FA2H: variants seen among roughly 807,000 people sequenced by gnomAD.
The protein encoded by FA2H is fatty acid alpha-hydroxylase.
FA2H carries 22 observed loss-of-function variants against 44.9 expected under a neutral mutation model. That is an observed-to-expected ratio of 0.49 (90% CI 0.35 to 0.70). The LOEUF is 0.70. Ranked by LOEUF, FA2H falls within the 30% of genes least tolerant of loss-of-function variation. The pLI is 0.01. For missense variants in FA2H, 501 were observed against 504.9 expected (o/e 0.99, Z 0.07); for synonymous variants, 243 against 213.2 (o/e 1.14, Z -1.22).
chr16:74,750,009 T>A (rs977719913), intron 1 of FA2H, among the ~76,000 whole-genome samples: 1 of 152,204 alleles, frequency 6.6e-6, no homozygotes, highest in African/African-American at 2.4e-5. Context: ...CTTCTGGGTC[T>A]TTCCTTACAA....
intron 2 of FA2H, among the ~76,000 whole-genome samples, chr16:74,735,937 C>G (rs1962170865): frequency 6.6e-6 from 1 of 152,176 alleles, no homozygotes; most frequent in African/African-American, 2.4e-5. Flanking sequence ...GAGCTGCAAT[C>G]TTGCCACTGT....
At chr16:74,730,307 A>T (rs1037425050) in intron 2 of FA2H, among the ~76,000 whole-genome samples, 1 of 151,894 alleles carries the variant, frequency 6.6e-6, no homozygotes, top group African/African-American at 2.4e-5. Flanking sequence ...TTCCTGTGGC[A>T]GGGGTGGGGG....
At chr16:74,759,631 C>T (rs1426160711) in intron 1 of FA2H, among the ~76,000 whole-genome samples, 3 of 152,234 alleles carry the variant, frequency 2.0e-5, no homozygotes, top group African/African-American at 7.2e-5. Context: ...CCGGGAAGGT[C>T]ACCTCTGCTA....
At chr16:74,723,203 A>G (rs1961876983) in intron 4 of FA2H, among the ~76,000 whole-genome samples, 1 of 152,204 alleles carries the variant, frequency 6.6e-6, no homozygotes, top group Admixed American at 6.5e-5. Flanking sequence ...CTGTGTCCAC[A>G]GTTTCTCAAA....
At chr16:74,725,953 A>G (rs1961944195) in intron 4 of FA2H, 1 of 437,076 alleles carries the variant, frequency 2.3e-6, no homozygotes, top group Non-Finnish European at 4.3e-6. Flanking sequence ...GAGGCACTCA[A>G]TCTCTCTCTC....
At chr16:74,761,702 A>G (rs946401698) in intron 1 of FA2H, among the ~76,000 whole-genome samples, 66 of 152,328 alleles carry the variant, frequency 4.3e-4, no homozygotes, top group Non-Finnish European at 2.1e-4. Context: ...CCATCTAGGC[A>G]AAGTGTTCTC....
At chr16:74,722,631 G>T (rs901386172) in intron 4 of FA2H, among the ~76,000 whole-genome samples, 2 of 152,044 alleles carry the variant, frequency 1.3e-5, no homozygotes, top group Non-Finnish European at 2.9e-5. Flanking sequence ...CTGTCTTCTG[G>T]GCCGGATGCA....
rs957132991 is a variant in FA2H, at chr16:74,730,834, G to A, written c.364-3448C>T. ...CCTCGCCATACCCCTAACTAGGCGTGTATTCTAACTATTGTCATTTTGCAG... is the reference window on the plus strand; with the variant it reads ...CCTCGCCATACCCCTAACTAGGCGTATATTCTAACTATTGTCATTTTGCAG... On this transcript the variant is annotated intron_variant, in intron 2 of 6. Coordinates refer to ENST00000219368, the MANE Select transcript of FA2H (RefSeq NM_024306.5). 2.6e-5 allele frequency among the ~76,000 whole-genome samples: 4 copies of A among 152,288 alleles called. No individual in the cohort carries two copies. The East Asian group carries it at 5.8e-4, about 22-fold the overall frequency.
chr16:74,767,990 C>G (rs554127603), intron 1 of FA2H, among the ~76,000 whole-genome samples: 2 of 152,210 alleles, frequency 1.3e-5, no homozygotes, highest in Non-Finnish European at 1.5e-5. Context: ...GTCCTGGTAA[C>G]GCCAGCAAGG....
Position 74,735,724 on chromosome 16 carries a change from C to G in FA2H, c.363+4299G>C, listed in dbSNP as rs1449546152. 2.6e-5 allele frequency among the ~76,000 whole-genome samples: 4 copies of G among 152,244 alleles called. No individual in the cohort carries two copies. In the East Asian group the frequency reaches 7.7e-4, roughly 29 times the overall value. On this transcript the variant is annotated intron_variant, in intron 2 of 6. Coordinates refer to ENST00000219368, the MANE Select transcript of FA2H (RefSeq NM_024306.5). Reference sequence around the variant, plus strand: ...TACGCAATAATAAGATGCAGGGTTGCAATCCCAGCACCTTGGGAGGCCAAG... The same window carrying G: ...TACGCAATAATAAGATGCAGGGTTGGAATCCCAGCACCTTGGGAGGCCAAG...
At chr16:74,725,575 C>T (rs1961934953) in intron 4 of FA2H, among the ~76,000 whole-genome samples, 1 of 152,238 alleles carries the variant, frequency 6.6e-6, no homozygotes, top group Non-Finnish European at 1.5e-5. Flanking sequence ...TCAGCTACTC[C>T]CTTGATATCT....
chr16:74,760,476 G>A (rs900458939), intron 1 of FA2H, among the ~76,000 whole-genome samples: 1 of 152,158 alleles, frequency 6.6e-6, no homozygotes, highest in East Asian at 1.9e-4. Context: ...CTTACACTCT[G>A]ACCCACACTC....
In FA2H at chr16:74,774,720, C is replaced by A; in HGVS notation, c.36G>T (p.Ser12=). Residue 12 remains serine (S), a synonymous_variant, in exon 1 of 7, where the codon TCG becomes TCT. Coordinates refer to ENST00000219368, the MANE Select transcript of FA2H (RefSeq NM_024306.5). The part of the protein sequence containing the change: ...APAPPPAASF[S]PSEVQRRLAA... ...CCAGGCGCCGCTGGACCTCGGAGGG[C>A]GAGAAGGAGGCGGCGGGGGGCGGAG... 7.5e-7 allele frequency: 1 copy of A among 1,337,702 alleles called. No individual in the cohort carries two copies. The highest frequency in any genetic ancestry group is 9.5e-7 in the Non-Finnish European group (1 of 1,054,206). 82.9% of individuals were successfully genotyped at this position (1,337,702 alleles called of 1,614,324 possible).
chr16:74,739,641 G>A (rs1369037611), intron 2 of FA2H, among the ~76,000 whole-genome samples: 1 of 152,192 alleles, frequency 6.6e-6, no homozygotes, highest in African/African-American at 2.4e-5. Context: ...CTTCCACATG[G>A]CTGCAGGTGC....
Position 74,767,126 on chromosome 16 carries a change from T to C in FA2H, c.270+7360A>G, listed in dbSNP as rs181524004. Among the ~76,000 whole-genome samples the C allele has an allele frequency of 5.1e-4, 78 of 152,046 alleles. 1 individual carries two copies. The highest frequency in any genetic ancestry group is 5.0e-3 in the Admixed American group (77 of 15,276). On this transcript the variant is annotated intron_variant, in intron 1 of 6. Transcript: ENST00000219368. The stretch of plus-strand genomic sequence containing the variant: ...GAGATCAAGATCATCCTGGCCAACA[T>C]AGTGAAACCCCGTCTCTACTAAAAA...
chr16:74,746,877 A>G (rs1962433815), intron 1 of FA2H, among the ~76,000 whole-genome samples: 1 of 152,242 alleles, frequency 6.6e-6, no homozygotes, highest in South Asian at 2.1e-4. Flanking sequence ...GGTAGGCACC[A>G]GAGGGACCAG....
intron 5 of FA2H, among the ~76,000 whole-genome samples, chr16:74,718,604 T>G (rs937630994): frequency 3.9e-5 from 6 of 152,208 alleles, no homozygotes; most frequent in Non-Finnish European, 7.3e-5. Flanking sequence ...TGGGGCTGTT[T>G]TCAGCACAAG....
At chr16:74,715,697 G>A (rs1338126121) in intron 6 of FA2H, among the ~76,000 whole-genome samples, 7 of 152,006 alleles carry the variant, frequency 4.6e-5, no homozygotes, top group Non-Finnish European at 1.0e-4. Flanking sequence ...GTCTTAGTGT[G>A]GCCACTAGAA....
intron 1 of FA2H, among the ~76,000 whole-genome samples, chr16:74,766,296 ACT>A (rs1366192745): frequency 2.0e-5 from 3 of 151,332 alleles, no homozygotes; most frequent in East Asian, 1.9e-4. Flanking sequence ...ACACAGCAAG[ACT>A]CTGTCTCAAT....
Sources: allele counts gnomAD v4.1 joint callset (sites outside exome capture counted in the v4.1 genomes callset), GRCh38; gene constraint gnomAD v4.1.1; transcripts MANE v1.5; gene names NCBI Gene and HGNC (gene_info 2026-07-23, HGNC 2026-07-21).